DAW1: variants seen among roughly 807,000 people sequenced by gnomAD.
DAW1 encodes the protein dynein assembly factor with WD repeats 1.
Under a neutral mutation model 56.5 loss-of-function variants are expected in DAW1, and 47 were observed. That is an observed-to-expected ratio of 0.83 (90% CI 0.66 to 1.06). The LOEUF (loss-of-function observed/expected upper bound fraction) is 1.06, where lower values mean the gene tolerates loss of function less well. DAW1 is among the 50% of genes least tolerant of loss of function. The pLI is 0.00. For missense variants in DAW1, 505 were observed against 499.3 expected, an observed-to-expected ratio of 1.01 and a Z score of -0.11; for synonymous variants, 190 against 179.0, an observed-to-expected ratio of 1.06 and a Z score of -0.49.
At chr2:227,890,057 A>T (rs1691226524) in intron 3 of DAW1, 57 bp downstream of exon 3, 2 of 1,439,366 alleles carry the variant, frequency 1.4e-6, no homozygotes, top group African/African-American at 1.5e-5. Context: ...TTGATATTTT[A>T]TTAATTTTTC....
At chr2:227,872,758 A>G (rs184105339) in intron 1 of DAW1, among the ~76,000 whole-genome samples, 282 of 139,262 alleles carry the variant, frequency 2.0e-3, no homozygotes, top group Non-Finnish European at 3.3e-3. Context: ...CTGTGAATCC[A>G]TCAGATTATC....
At chr2:227,890,025 T>C in intron 3 of DAW1, 25 bp downstream of exon 3, 1 of 1,491,656 alleles carries the variant, frequency 6.7e-7, no homozygotes, top group Non-Finnish European at 8.9e-7. Flanking sequence ...AACAATCAGA[T>C]AGAAGAATTT....
chr2:227,900,960 A>G (rs1691527788), intron 6 of DAW1, among the ~76,000 whole-genome samples: 1 of 152,214 alleles, frequency 6.6e-6, no homozygotes, highest in Non-Finnish European at 1.5e-5. Context: ...GTTATATACT[A>G]TGCTAAGGAA....
chr2:227,898,951 C>G (rs1691474308), intron 6 of DAW1, among the ~76,000 whole-genome samples: 1 of 152,066 alleles, frequency 6.6e-6, no homozygotes, highest in Non-Finnish European at 1.5e-5. Flanking sequence ...TTTTAAACTA[C>G]TATGTGAAAT....
rs1385250651 is a variant in DAW1 at position 227,921,410 on chromosome 2, C to A, written c.1062C>A (p.Asn354Lys). The A allele has an allele frequency of 6.5e-6, 10 of 1,542,188 alleles. No individual in the cohort carries two copies. The highest frequency in any genetic ancestry group is 1.1e-5 in the South Asian group (1 of 89,928). Residue 354 changes from asparagine (N) to lysine (K), a missense_variant, in exon 12 of 13, where the codon AAC becomes AAA. By Grantham distance (94) the Asn-to-Lys change is moderately conservative. Transcript: ENST00000309931. ...TTTCTCTTTTGCAGATTTCTTTCAA[C>A]CCTCAAGGGAACCATCTTCTAACTG... ...HEGEISKISF[N>K]PQGNHLLTGS...
intron 5 of DAW1, among the ~76,000 whole-genome samples, chr2:227,894,830 C>A (rs58086572): frequency 0.068 from 10,385 of 152,290 alleles, 364 homozygotes; most frequent in Middle Eastern, 0.099. Context: ...GAATGGGCAT[C>A]CTCCTCCTGC....
At chr2:227,908,802 A>C (rs371744239) in intron 10 of DAW1, among the ~76,000 whole-genome samples, 2 of 152,146 alleles carry the variant, frequency 1.3e-5, no homozygotes, top group South Asian at 2.1e-4. Flanking sequence ...TACTAAGTCT[A>C]TGTCATATCG....
At chr2:227,896,091 C>CT (rs1309092192) in intron 5 of DAW1, among the ~76,000 whole-genome samples, 1 of 151,994 alleles carries the variant, frequency 6.6e-6, no homozygotes, top group African/African-American at 2.4e-5. Context: ...GTGATGGCAC[C>CT]AACTTAAATT....
In DAW1 at chr2:227,893,796, T is replaced by G. The variant is rs150579271; in HGVS notation, c.319T>G (p.Phe107Val). 1.9e-4 allele frequency: 304 copies of G among 1,611,192 alleles called. No homozygotes were observed. In the East Asian group the frequency reaches 6.6e-3, roughly 35 times the overall value. The change falls in exon 5 of 13, where the codon TTT (phenylalanine) becomes GTT (valine). Residue 107 changes from phenylalanine (F) to valine (V), a missense_variant and splice_region_variant. By Grantham distance (50) the Phe-to-Val change is conservative. Transcript: ENST00000309931. ...NVALNKSGSCFITGSYDRTCK... is the reference protein window; with the variant it reads ...NVALNKSGSCVITGSYDRTCK... ...ACGTGTTTATATTCCTTGTGTTAGC[T>G]TTATCACAGGAAGCTATGATCGGAC...
rs114366323 is a variant in DAW1, at chr2:227,909,679, G to A, written c.973+2427G>A. On this transcript the variant is annotated intron_variant, in intron 10 of 12. Transcript: ENST00000309931. ...TGAGAGAACTGAGGAGGGCACTGGT[G>A]TCAGTCTTGGAGTCTGGGGATCTGA... 6.1e-3 allele frequency among the ~76,000 whole-genome samples: 933 copies of A among 152,238 alleles called. 7 individuals carry two copies. Among genetic ancestry groups the A allele is most frequent in the Middle Eastern group, 0.041 (12 of 292 alleles).
In DAW1 at chr2:227,905,007, G is replaced by A. The variant is rs756173701; in HGVS notation, c.727G>A (p.Val243Ile). Residue 243 changes from valine (V) to isoleucine (I), a missense_variant, in exon 8 of 13, where the codon GTT becomes ATT. Coordinates refer to ENST00000309931, the MANE Select transcript of DAW1 (RefSeq NM_178821.3). ...RIITGSFDHTVVVWDADTGRK... is the reference protein window; with the variant it reads ...RIITGSFDHTIVVWDADTGRK... ...CATCACGGGGTCTTTTGATCATACC[G>A]TTGTAGTGTGGGACGCTGATACTGG... 1.1e-5 allele frequency: 18 copies of A among 1,613,294 alleles called. No homozygotes were observed. The highest frequency in any genetic ancestry group is 1.6e-4 in the Middle Eastern group (1 of 6,084).
At chr2:227,921,271 A>T in intron 11 of DAW1, 128 bp from the exon 12 acceptor site, 1 of 995,462 alleles carries the variant, frequency 1.0e-6, no homozygotes, top group Non-Finnish European at 1.4e-6. Context: ...AAGAATAAAT[A>T]CCAGACTAGG....
chr2:227,916,162 T>C (rs543027064), intron 10 of DAW1, among the ~76,000 whole-genome samples: 1 of 152,242 alleles, frequency 6.6e-6, no homozygotes, highest in South Asian at 2.1e-4. Context: ...CTACACTATA[T>C]CTAATATGTA....
At chr2:227,912,696 T>C (rs2106211698) in intron 10 of DAW1, among the ~76,000 whole-genome samples, 1 of 152,306 alleles carries the variant, frequency 6.6e-6, no homozygotes, top group Admixed American at 6.5e-5. Context: ...TAAGCTATAC[T>C]GCTGTCATCC....
intron 11 of DAW1, 62 bp from the exon 12 acceptor site, chr2:227,921,337 G>GTTA: frequency 5.7e-6 from 1 of 174,498 alleles, no homozygotes; most frequent in Non-Finnish European, 1.0e-5. Context: ...TTTTTTTGCT[G>GTTA]ATAAGAAATG....
At chr2:227,921,010 C>T (rs891012771) in intron 11 of DAW1, among the ~76,000 whole-genome samples, 1 of 151,950 alleles carries the variant, frequency 6.6e-6, no homozygotes, top group African/African-American at 2.4e-5. Flanking sequence ...ACAAAGATGA[C>T]ACCAGGGTTT....
intron 1 of DAW1, among the ~76,000 whole-genome samples, chr2:227,880,705 G>A (rs1690991516): frequency 6.6e-6 from 1 of 152,210 alleles, no homozygotes; most frequent in African/African-American, 2.4e-5. Context: ...CATCCGCGCA[G>A]CAAGACAGGG....
chr2:227,884,710 G>C (rs1691083817), intron 1 of DAW1, among the ~76,000 whole-genome samples: 1 of 152,160 alleles, frequency 6.6e-6, no homozygotes. Context: ...GGAAACGCAG[G>C]GCTTTGCTGA....
At chr2:227,890,130 A>G (rs946131768) in intron 3 of DAW1, 130 bp downstream of exon 3, 9 of 887,636 alleles carry the variant, frequency 1.0e-5, no homozygotes, top group African/African-American at 1.8e-5. Flanking sequence ...TGCCTCACAT[A>G]TGTTTGCTAA....
Sources: allele counts gnomAD v4.1 joint callset (sites outside exome capture counted in the v4.1 genomes callset), GRCh38; gene constraint gnomAD v4.1.1; transcripts MANE v1.5; gene names NCBI Gene and HGNC (gene_info 2026-07-23, HGNC 2026-07-21).